FBLIM1: variants seen among roughly 807,000 people sequenced by gnomAD.
The protein encoded by FBLIM1 is filamin-binding LIM protein 1.
Under a neutral mutation model 37.4 loss-of-function variants are expected in FBLIM1, and 29 were observed. That is an observed-to-expected ratio of 0.77 (90% CI 0.58 to 1.06). The LOEUF (loss-of-function observed/expected upper bound fraction) is 1.06. Ranked by LOEUF, FBLIM1 falls within the 50% of genes least tolerant of loss-of-function variation. The pLI is 0.00. For missense variants in FBLIM1, 449 were observed against 505.6 expected, an observed-to-expected ratio of 0.89 and a Z score of 1.07; for synonymous variants, 193 against 199.0, an observed-to-expected ratio of 0.97 and a Z score of 0.25.
chr1:15,764,600 G>A lies in FBLIM1; in HGVS notation c.-106G>A, dbSNP rs1325314548. The A allele has an allele frequency of 5.0e-6, 1 of 201,284 alleles. No homozygotes were observed. Among genetic ancestry groups the A allele is most frequent in the South Asian group, 1.3e-4 (1 of 7,536 alleles). The allele number at this position is 201,284 out of a possible 1,614,324, so 12.5% of individuals were successfully genotyped here. On this transcript the variant is annotated 5_prime_UTR_variant, in exon 2 of 9. Transcript: ENST00000375766. Reference sequence around the variant, plus strand: ...CAGCAGGCAGGCGGGACTCCAGACTGGGAACGGAAGTCAGCCCTGCTGGGG... The same window carrying A: ...CAGCAGGCAGGCGGGACTCCAGACTAGGAACGGAAGTCAGCCCTGCTGGGG...
intron 8 of FBLIM1, among the ~76,000 whole-genome samples, chr1:15,779,394 T>C (rs1332987243): frequency 6.6e-6 from 1 of 152,060 alleles, no homozygotes; most frequent in African/African-American, 2.4e-5. Flanking sequence ...AACCTCCACC[T>C]CCTGGGTTCA....
Position 15,786,433 on chromosome 1 carries a change from CTG to C in FBLIM1, c.*1774_*1775del, listed in dbSNP as rs1398748019. The C allele has an allele frequency of 6.6e-6, 1 of 152,244 alleles. No homozygotes were observed. The highest frequency in any genetic ancestry group is 1.5e-5 in the Non-Finnish European group (1 of 68,058). 9.4% of individuals were successfully genotyped at this position (152,244 alleles called of 1,614,324 possible). On this transcript the variant is annotated 3_prime_UTR_variant, in exon 9 of 9. Transcript: ENST00000375766. ...CACAATTGTTATAACCAAAGGCCTC[CTG>C]TTCTGTTATTTCACTTAAATCAACA...
At position 15,784,988 on chromosome 1, in the gene FBLIM1, C is replaced by T. The variant is rs949781912; in HGVS notation, c.*327C>T. The stretch of plus-strand genomic sequence containing the variant: ...GTCTGGTAGGGGTGCTAGGACCAGC[C>T]TCGCCTGTGGGGTTGAGCTGTTTGA... On this transcript the variant is annotated 3_prime_UTR_variant, in exon 9 of 9. Transcript: ENST00000375766. 4 of 234,852 alleles carry T rather than the reference C, an allele frequency of 1.7e-5. No individual in the cohort carries two copies. Among genetic ancestry groups the T allele is most frequent in the Non-Finnish European group, 2.5e-5 (3 of 119,500 alleles). The allele number at this position is 234,852 out of a possible 1,614,324, so 14.5% of individuals were successfully genotyped here.
intron 5 of FBLIM1, 127 bp from the exon 6 acceptor site, chr1:15,770,282 A>G (rs2069138228): frequency 1.1e-6 from 1 of 952,004 alleles, no homozygotes; most frequent in East Asian, 2.6e-5. Flanking sequence ...GACCCTCTGT[A>G]TTTGTCATTT....
intron 8 of FBLIM1, among the ~76,000 whole-genome samples, chr1:15,778,644 TC>T (rs1387725297): frequency 2.6e-5 from 1 of 38,602 alleles, no homozygotes; most frequent in Middle Eastern, 8.2e-3. Flanking sequence ...AGCTTCTTTT[TC>T]TTTTTTTTTT....
At chr1:15,777,144 C>G (rs1327200888) in intron 7 of FBLIM1, 26 bp from the exon 8 acceptor site, 1 of 1,568,902 alleles carries the variant, frequency 6.4e-7, no homozygotes, top group Non-Finnish European at 8.7e-7. Context: ...TGAACGCCTC[C>G]CAAGCATGGG....
intron 8 of FBLIM1, among the ~76,000 whole-genome samples, chr1:15,781,169 C>T (rs2148655540): frequency 6.6e-6 from 1 of 152,090 alleles, no homozygotes; most frequent in African/African-American, 2.4e-5. Flanking sequence ...ACCATCCTGG[C>T]CAACAAGGTG....
rs1294389584 is a variant in FBLIM1, at chr1:15,765,567, A to C, written c.250+334A>C. Among the ~76,000 whole-genome samples the C allele has an allele frequency of 1.3e-5, 2 of 151,790 alleles. No individual in the cohort carries two copies. Among genetic ancestry groups the C allele is most frequent in the Non-Finnish European group, 2.9e-5 (2 of 67,948 alleles). On this transcript the variant is annotated intron_variant, in intron 3 of 8. Transcript: ENST00000375766. The surrounding 1 kb of genome is among the most constrained non-coding windows in gnomAD (Gnocchi z 5.9). ...TTTCGTCTGCCAATTTAATACCCTC[A>C]AGCAGAGCACGGGGATCTTGGGGTT...
At chr1:15,761,024 T>G (rs2068651554) in intron 1 of FBLIM1, among the ~76,000 whole-genome samples, 1 of 152,052 alleles carries the variant, frequency 6.6e-6, no homozygotes, top group Non-Finnish European at 1.5e-5. Flanking sequence ...TTGGGAGGTA[T>G]AGGGGCTGCC....
chr1:15,770,962 C>T (rs1211519285), intron 6 of FBLIM1, among the ~76,000 whole-genome samples: 4 of 152,000 alleles, frequency 2.6e-5, no homozygotes, highest in African/African-American at 9.6e-5. Context: ...CGGTGGGGGA[C>T]GGAGTCTCAC....
intron 1 of FBLIM1, among the ~76,000 whole-genome samples, chr1:15,761,000 CCTGCAGTCACTG>C (rs2068650173): frequency 6.6e-6 from 1 of 152,148 alleles, no homozygotes; most frequent in Non-Finnish European, 1.5e-5. Flanking sequence ...GCCTGAGGTC[CCTGCAGTCACTG>C]CTTGGGAGGT....
At position 15,785,256 on chromosome 1, in the gene FBLIM1, A is replaced by G. The variant is rs1221070852; in HGVS notation, c.*595A>G. 4 of 152,000 alleles carry G rather than the reference A, an allele frequency of 2.6e-5. No individual in the cohort carries two copies. The highest frequency in any genetic ancestry group is 5.9e-5 in the Non-Finnish European group (4 of 68,042). The allele number at this position is 152,000 out of a possible 1,614,324, so 9.4% of individuals were successfully genotyped here. On this transcript the variant is annotated 3_prime_UTR_variant, in exon 9 of 9. Transcript: ENST00000375766. ...AAGCTGAGGCAGGAGAATTGCTTCA[A>G]TCTGGAAGGCAGAGGTTGCAGTGAG...
rs550801123 is a variant in FBLIM1 at position 15,780,268 on chromosome 1, G to A, written c.1008+2981G>A. 2.2e-4 allele frequency among the ~76,000 whole-genome samples: 33 copies of A among 151,850 alleles called. 1 individual carries two copies. In the South Asian group the frequency reaches 4.8e-3, roughly 22 times the overall value. On this transcript the variant is annotated intron_variant, in intron 8 of 8. Coordinates refer to ENST00000375766, the MANE Select transcript of FBLIM1 (RefSeq NM_017556.4). ...AGCTGGAGTACAGTGGCGCTATCTC[G>A]GCTCACTGCAACCTCTGCCTGTCAG...
In FBLIM1 at chr1:15,765,068, G is replaced by T. The variant is rs1178915440; in HGVS notation, c.85G>T (p.Glu29Ter). ...PPRRDVAVAE[E>*]VRQAVCEARR... ...GCGCCGCGATGTGGCCGTGGCGGAG[G>T]AAGTGAGGCAGGCAGTTTGTGAGGC... Residue 29 changes from glutamate (E) to a stop codon, truncating the protein, a stop_gained, in exon 3 of 9, where the codon GAA becomes TAA. Coordinates refer to ENST00000375766, the MANE Select transcript of FBLIM1 (RefSeq NM_017556.4). LOFTEE classifies it high-confidence loss of function. The surrounding 1 kb of genome is among the most constrained non-coding windows in gnomAD (Gnocchi z 5.9). 21 of 1,614,002 alleles carry T rather than the reference G, an allele frequency of 1.3e-5. No individual in the cohort carries two copies. The highest frequency in any genetic ancestry group is 1.8e-5 in the Non-Finnish European group (21 of 1,180,006).
chr1:15,773,254 G>A (rs184985350), intron 6 of FBLIM1, among the ~76,000 whole-genome samples: 1,532 of 151,828 alleles, frequency 0.01, 32 homozygotes, highest in African/African-American at 0.035. Flanking sequence ...GGCATGGTGC[G>A]TGCCTGTAAT....
intron 3 of FBLIM1, among the ~76,000 whole-genome samples, chr1:15,766,451 C>T (rs536169631): frequency 6.6e-6 from 1 of 152,002 alleles, no homozygotes; most frequent in Non-Finnish European, 1.5e-5. Context: ...CGCCCACCAT[C>T]ACACCCAGCT....
At chr1:15,760,705 G>A (rs1277941945) in intron 1 of FBLIM1, among the ~76,000 whole-genome samples, 2 of 152,102 alleles carry the variant, frequency 1.3e-5, no homozygotes, top group African/African-American at 4.8e-5. Flanking sequence ...TGGGTGGCTG[G>A]CTGGATCCCT....
At chr1:15,775,105 A>T (rs1569852063) in intron 7 of FBLIM1, 1 of 483,824 alleles carries the variant, frequency 2.1e-6, no homozygotes, top group East Asian at 3.7e-5. Context: ...CTGTAGTCCC[A>T]GCTACTCGGG....
At chr1:15,760,080 C>T (rs1185773370) in intron 1 of FBLIM1, among the ~76,000 whole-genome samples, 1 of 150,988 alleles carries the variant, frequency 6.6e-6, no homozygotes, top group African/African-American at 2.4e-5. Flanking sequence ...AAAAATTAGC[C>T]GGGTGTGGTG....
Sources: allele counts gnomAD v4.1 joint callset (sites outside exome capture counted in the v4.1 genomes callset), GRCh38; gene constraint gnomAD v4.1.1; non-coding constraint Gnocchi (gnomAD v3.1); transcripts MANE v1.5; gene names NCBI Gene and HGNC (gene_info 2026-07-23, HGNC 2026-07-21).